Variants in PDLIM5 observed in about 807,000 individuals in gnomAD.
PDLIM5 encodes PDZ and LIM domain 5.
A neutral mutation model predicts 64.2 loss-of-function variants in PDLIM5; 34 were observed. The ratio of observed to expected loss-of-function variants is 0.53; its 90% CI spans 0.40 to 0.71. The LOEUF is 0.71. Ranked by LOEUF, PDLIM5 falls within the 30% of genes least tolerant of loss-of-function variation. The pLI is 0.00. For synonymous variants in PDLIM5, 253 were observed against 269.1 expected (o/e 0.94, Z 0.59); for missense variants, 683 against 733.6 (o/e 0.93, Z 0.80).
chr4:94,649,745 CTTA>C lies in PDLIM5; in HGVS notation c.1284-4709_1284-4707del, dbSNP rs1190082988. 4.6e-5 allele frequency among the ~76,000 whole-genome samples: 7 copies of C among 152,290 alleles called. No individual in the cohort carries two copies. In the South Asian group the frequency reaches 1.2e-3, roughly 27 times the overall value. ...CAAATTGAAATTATATCTCACTTGTCTTATTATTGAATTACATTTATCCTGCTT... is the reference window on the plus strand; with the variant it reads ...CAAATTGAAATTATATCTCACTTGTCTTATTGAATTACATTTATCCTGCTT... On this transcript the variant is annotated intron_variant, in intron 9 of 12. Coordinates refer to ENST00000317968, the MANE Select transcript of PDLIM5 (RefSeq NM_006457.5).
intron 2 of PDLIM5, among the ~76,000 whole-genome samples, chr4:94,461,662 T>C (rs917547081): frequency 6.6e-6 from 1 of 152,208 alleles, no homozygotes; most frequent in Non-Finnish European, 1.5e-5. Context: ...ATACTCAGAT[T>C]TCTTTTATAG....
intron 8 of PDLIM5, among the ~76,000 whole-genome samples, chr4:94,637,934 A>C (rs1165435921): frequency 6.6e-6 from 1 of 152,154 alleles, no homozygotes; most frequent in Non-Finnish European, 1.5e-5. Flanking sequence ...ATTAGAACGG[A>C]AGGACAGACC....
At chr4:94,628,034 A>G (rs1739842682) in intron 8 of PDLIM5, among the ~76,000 whole-genome samples, 1 of 152,234 alleles carries the variant, frequency 6.6e-6, no homozygotes, top group African/African-American at 2.4e-5. Context: ...GTAAGATCTT[A>G]TGTCAGAGTG....
intron 11 of PDLIM5, 76 bp downstream of exon 11, chr4:94,657,623 C>T (rs901568418): frequency 4.6e-5 from 48 of 1,046,662 alleles, no homozygotes; most frequent in Admixed American, 9.2e-5. Context: ...CTATAAAGCT[C>T]AAGAAAATAT....
At chr4:94,483,309 T>C (rs1370152553) in intron 2 of PDLIM5, among the ~76,000 whole-genome samples, 1 of 152,164 alleles carries the variant, frequency 6.6e-6, no homozygotes, top group Non-Finnish European at 1.5e-5. Context: ...AAAATTTTAA[T>C]GTGGAAATTT....
At chr4:94,462,030 A>AT (rs1259608028) in intron 2 of PDLIM5, among the ~76,000 whole-genome samples, 2 of 152,004 alleles carry the variant, frequency 1.3e-5, no homozygotes, top group East Asian at 1.9e-4. Context: ...TGCCCAGCTA[A>AT]TTTTTTTGTA....
At chr4:94,633,302 A>C (rs1269013418) in intron 8 of PDLIM5, among the ~76,000 whole-genome samples, 1 of 152,208 alleles carries the variant, frequency 6.6e-6, no homozygotes, top group Admixed American at 6.5e-5. Context: ...TTGGTTCCTT[A>C]GCATCTTCTA....
In PDLIM5 at chr4:94,523,721, C is replaced by T; in HGVS notation, c.97-3C>T. Reference sequence around the variant, plus strand: ...CACTCCTAATGAAATATATTTATTACAGCTAAAAGATGGCGGCAAGGCAGC... The same window carrying T: ...CACTCCTAATGAAATATATTTATTATAGCTAAAAGATGGCGGCAAGGCAGC... On this transcript the variant is annotated splice_region_variant and splice_polypyrimidine_tract_variant and intron_variant, in intron 2 of 12. Transcript: ENST00000317968. 3.1e-6 allele frequency: 5 copies of T among 1,607,724 alleles called. No individual in the cohort carries two copies. The highest frequency in any genetic ancestry group is 3.4e-6 in the Non-Finnish European group (4 of 1,174,926).
At chr4:94,635,096 C>G (rs774710343) in intron 8 of PDLIM5, among the ~76,000 whole-genome samples, 49 of 151,982 alleles carry the variant, frequency 3.2e-4, no homozygotes, top group Non-Finnish European at 5.0e-4. Flanking sequence ...TTAGAAGACT[C>G]ATAAATAGCA....
At chr4:94,573,907 C>T (rs1004545599) in intron 4 of PDLIM5, among the ~76,000 whole-genome samples, 10 of 152,072 alleles carry the variant, frequency 6.6e-5, no homozygotes, top group Admixed American at 6.5e-4. Context: ...TTTATCTGTG[C>T]CTATTTATTG....
At chr4:94,660,966 C>A (rs11943928) in intron 11 of PDLIM5, among the ~76,000 whole-genome samples, 6,260 of 152,102 alleles carry the variant, frequency 0.041, 454 homozygotes, top group African/African-American at 0.14. Context: ...CACCTGTAAT[C>A]CCAACTGCTC....
chr4:94,604,068 T>A (rs1289273378), intron 7 of PDLIM5, among the ~76,000 whole-genome samples: 1 of 152,000 alleles, frequency 6.6e-6, no homozygotes, highest in Non-Finnish European at 1.5e-5. Flanking sequence ...CAGGACAGAG[T>A]AATGTCACTG....
Position 94,507,826 on chromosome 4 carries a change from A to G in PDLIM5, c.97-15898A>G, listed in dbSNP as rs377738694. Among the ~76,000 whole-genome samples the G allele has an allele frequency of 2.2e-4, 33 of 152,300 alleles. No individual in the cohort carries two copies. In the East Asian group the frequency reaches 2.9e-3, roughly 13 times the overall value. On this transcript the variant is annotated intron_variant, in intron 2 of 12. Transcript: ENST00000317968. ...TTTGATTCATCAAAGCACTAACGTA[A>G]TGAGTGGGAGAGGATGAATCAGCAG...
intron 2 of PDLIM5, among the ~76,000 whole-genome samples, chr4:94,492,839 C>T (rs1445958303): frequency 6.6e-6 from 1 of 152,090 alleles, no homozygotes; most frequent in East Asian, 1.9e-4. Context: ...AACATTTGTG[C>T]ACAAATTTTT....
intron 7 of PDLIM5, among the ~76,000 whole-genome samples, chr4:94,590,420 T>A (rs1443567077): frequency 6.6e-6 from 1 of 152,226 alleles, no homozygotes; most frequent in African/African-American, 2.4e-5. Context: ...TTGCCAGCAT[T>A]CATTCTTTCA....
chr4:94,576,914 C>A (rs181867601), intron 5 of PDLIM5, among the ~76,000 whole-genome samples: 1 of 151,930 alleles, frequency 6.6e-6, no homozygotes, highest in South Asian at 2.1e-4. Context: ...ATAATGTTAT[C>A]AGATAGTCAG....
At chr4:94,559,398 A>G (rs1733644570) in intron 3 of PDLIM5, among the ~76,000 whole-genome samples, 1 of 152,192 alleles carries the variant, frequency 6.6e-6, no homozygotes, top group Non-Finnish European at 1.5e-5. Flanking sequence ...ATTCTAGCAC[A>G]TTTAACTGCT....
At chr4:94,625,084 G>A (rs1191318359) in intron 8 of PDLIM5, among the ~76,000 whole-genome samples, 2 of 152,170 alleles carry the variant, frequency 1.3e-5, no homozygotes, top group Non-Finnish European at 2.9e-5. Context: ...CCCTGGGCAG[G>A]GTGACTGCAG....
At chr4:94,575,467 C>T (rs1415156597) in intron 4 of PDLIM5, 149 bp from the exon 5 acceptor site, 3 of 592,170 alleles carry the variant, frequency 5.1e-6, no homozygotes. Flanking sequence ...GCTTTATCAG[C>T]CCATTGTTTT....
Sources: allele counts gnomAD v4.1 joint callset (sites outside exome capture counted in the v4.1 genomes callset), GRCh38; gene constraint gnomAD v4.1.1; transcripts MANE v1.5; gene names NCBI Gene and HGNC (gene_info 2026-07-23, HGNC 2026-07-21).